The following GSE1 variants were observed in gnomAD, a reference collection of about 807,000 sequenced individuals.
The protein encoded by GSE1 is genetic suppressor element 1.
A neutral mutation model predicts 112.6 loss-of-function variants in GSE1; 32 were observed. That is an observed-to-expected ratio of 0.28 (90% confidence interval 0.21 to 0.38). The LOEUF (loss-of-function observed/expected upper bound fraction) is 0.38, where lower values mean the gene tolerates loss of function less well. Among genes scored for constraint, GSE1 ranks in the 10% least tolerant of loss-of-function variants. The probability of loss-of-function intolerance (pLI) is 1.00; values close to 1 mark genes in which losing one functional copy is unlikely to be tolerated. For synonymous variants in GSE1, 1,115 were observed against 735.6 expected (o/e 1.52, Z -8.35); for missense variants, 2,348 against 1,699.2 (o/e 1.38, Z -6.71).
chr16:85,555,261 C>G, upstream of GSE1: 12 of 985,412 alleles, frequency 1.2e-5, no homozygotes, highest in Non-Finnish European at 1.4e-5. Flanking sequence ...CCGCCGTGCG[C>G]TCTCGCCTCC....
exon 1 of GSE1, chr16:85,171,202 G>A (rs1024941053): frequency 1.5e-5 from 15 of 985,670 alleles, no homozygotes; most frequent in African/African-American, 1.4e-4. Context: ...CATCACCTCC[G>A]TGCAGGGCTT....
At chr16:85,387,475 AACTTTGCGGG>A (rs2047713567) in intron 2 of GSE1, among the ~76,000 whole-genome samples, 1 of 152,108 alleles carries the variant, frequency 6.6e-6, no homozygotes, top group Non-Finnish European at 1.5e-5. Flanking sequence ...CTTTCCACAG[AACTTTGCGGG>A]ACTGGCTTCT....
chr16:85,512,325 A>T lies in GSE1; in HGVS notation c.2465-121589A>T, dbSNP rs368889964. Among the ~76,000 whole-genome samples the T allele has an allele frequency of 2.0e-5, 3 of 152,284 alleles. No homozygotes were observed. In the East Asian group the frequency reaches 5.8e-4, roughly 29 times the overall value. ...GTTAGAGTAGGTAGCAGGACCAGCC[A>T]GGCACCCAGGACAGCTGTCGGGCCC... On this transcript the variant is annotated intron_variant, in intron 2 of 2. Coordinates refer to the GSE1 transcript ENST00000637419.
chr16:85,633,510 C>T (rs1323254989), intron 1 of GSE1, among the ~76,000 whole-genome samples: 1 of 152,220 alleles, frequency 6.6e-6, no homozygotes, highest in Non-Finnish European at 1.5e-5. Flanking sequence ...CAGCGTGTTT[C>T]TATCCTGAGG....
chr16:85,348,955 C>G (rs1025616296), intron 1 of GSE1, among the ~76,000 whole-genome samples: 1 of 152,104 alleles, frequency 6.6e-6, no homozygotes, highest in African/African-American at 2.4e-5. Flanking sequence ...CAACCCCCAC[C>G]GCCCTGCCGC....
Position 85,674,892 on chromosome 16 carries a change from T to C in GSE1, c.*2353T>C, listed in dbSNP as rs994117936. The C allele has an allele frequency of 2.6e-5, 4 of 152,634 alleles. No individual in the cohort carries two copies. Among genetic ancestry groups the C allele is most frequent in the African/African-American group, 4.8e-5 (2 of 41,424 alleles). 9.5% of individuals were successfully genotyped at this position (152,634 alleles called of 1,614,324 possible). ...GTCTCCCCATCCTTCCACCTACTTG[T>C]GGCGATCTGAGTACTCTACTCTTGC... On this transcript the variant is annotated 3_prime_UTR_variant, in exon 16 of 16. Coordinates refer to ENST00000253458, the MANE Select transcript of GSE1 (RefSeq NM_014615.5).
At chr16:85,257,744 G>C (rs1453745036) in intron 1 of GSE1, among the ~76,000 whole-genome samples, 1 of 152,186 alleles carries the variant, frequency 6.6e-6, no homozygotes, top group Non-Finnish European at 1.5e-5. Flanking sequence ...CCAGTCCTTT[G>C]AGTGAGGCTG....
chr16:85,282,209 G>A (rs1567660625), intron 1 of GSE1, among the ~76,000 whole-genome samples: 1 of 152,074 alleles, frequency 6.6e-6, no homozygotes, highest in African/African-American at 2.4e-5. Flanking sequence ...TGTATTTTCA[G>A]TAGAGACGGG....
intron 1 of GSE1, among the ~76,000 whole-genome samples, chr16:85,287,962 G>A (rs549157729): frequency 5.3e-5 from 8 of 152,178 alleles, no homozygotes; most frequent in South Asian, 2.1e-4. Context: ...GCTATTGGCC[G>A]GGCACGGTGG....
chr16:85,490,236 G>T, intron 2 of GSE1: 1 of 152,388 alleles, frequency 6.6e-6, no homozygotes. Context: ...GTTCCCTGGA[G>T]GAGACAACGT....
At chr16:85,462,079 C>G (rs2049983712) in intron 2 of GSE1, among the ~76,000 whole-genome samples, 1 of 152,214 alleles carries the variant, frequency 6.6e-6, no homozygotes, top group African/African-American at 2.4e-5. Context: ...CACCTCCCCA[C>G]AGGGGCAGGG....
At chr16:85,469,020 C>T (rs771680785) in intron 2 of GSE1, among the ~76,000 whole-genome samples, 4 of 151,938 alleles carry the variant, frequency 2.6e-5, no homozygotes, top group African/African-American at 7.3e-5. Context: ...TTTGGGAGGC[C>T]GAGGCAGGTG....
intron 2 of GSE1, among the ~76,000 whole-genome samples, chr16:85,476,529 C>T (rs914465790): frequency 4.6e-5 from 7 of 152,218 alleles, no homozygotes; most frequent in African/African-American, 2.4e-5. Flanking sequence ...GGTCACCAGC[C>T]GTTTTTGGTT....
chr16:85,503,037 G>A (rs535405424), intron 2 of GSE1, among the ~76,000 whole-genome samples: 1 of 152,334 alleles, frequency 6.6e-6, no homozygotes, highest in African/African-American at 2.4e-5. Context: ...CACTGAGCTT[G>A]TATTTGAGGA....
intron 1 of GSE1, among the ~76,000 whole-genome samples, chr16:85,562,226 C>T (rs1415968687): frequency 6.6e-6 from 1 of 152,200 alleles, no homozygotes; most frequent in Non-Finnish European, 1.5e-5. Context: ...TCCAGGCAGT[C>T]ACTAATTAAT....
At chr16:85,578,922 C>T (rs1438081889) in intron 1 of GSE1, among the ~76,000 whole-genome samples, 1 of 151,850 alleles carries the variant, frequency 6.6e-6, no homozygotes, top group Non-Finnish European at 1.5e-5. Context: ...GGACTGTAAG[C>T]TCCCCCCAGC....
At chr16:85,228,242 G>A (rs1024323726) in intron 1 of GSE1, among the ~76,000 whole-genome samples, 6 of 152,270 alleles carry the variant, frequency 3.9e-5, no homozygotes, top group African/African-American at 1.4e-4. Flanking sequence ...AGTGTCAAGA[G>A]CTACAGACAG....
At chr16:85,551,925 T>C (rs1245587189), upstream of GSE1, among the ~76,000 whole-genome samples, 4 of 152,316 alleles carry the variant, frequency 2.6e-5, no homozygotes, top group Middle Eastern at 3.4e-3. Context: ...TGCCCACTCT[T>C]CTCTGGCCCT....
chr16:85,544,219 A>G (rs2044620774), intron 2 of GSE1, among the ~76,000 whole-genome samples: 1 of 152,174 alleles, frequency 6.6e-6, no homozygotes, highest in Non-Finnish European at 1.5e-5. Context: ...ACATCCTGCA[A>G]TGCACGGGAC....
Sources: gnomAD v4.1 joint callset for allele counts (sites outside exome capture counted in the v4.1 genomes callset) on GRCh38, gnomAD v4.1.1 for gene constraint, MANE v1.5 for transcripts, NCBI Gene and HGNC (gene_info 2026-07-23, HGNC 2026-07-21) for gene names.